The following PCDHA11 variants were observed in gnomAD, a reference collection of about 807,000 sequenced individuals.
PCDHA11 encodes the protein protocadherin alpha 11, also known as protocadherin alpha-11.
PCDHA11 carries 61 observed loss-of-function variants against 70.3 expected under a neutral mutation model. That is an observed-to-expected ratio of 0.87 (90% CI 0.71 to 1.07). The LOEUF is 1.07. PCDHA11 is among the 50% of genes least tolerant of loss of function. The pLI, the probability that PCDHA11 is intolerant of heterozygous loss-of-function variation, is 0.00. For synonymous variants in PCDHA11, 633 were observed against 555.1 expected (o/e 1.14, Z -1.97); for missense variants, 1,324 against 1,237.5 (o/e 1.07, Z -1.05).
At chr5:141,009,463 A>C in intron 3 of PCDHA11, 164 bp from the exon 4 acceptor site, 1 of 954,884 alleles carries the variant, frequency 1.0e-6, no homozygotes, top group Non-Finnish European at 1.2e-6. Context: ...AAACAAATAA[A>C]TAAATAAGTA....
chr5:141,006,568 T>C (rs2098278532), intron 3 of PCDHA11, among the ~76,000 whole-genome samples: 1 of 152,110 alleles, frequency 6.6e-6, no homozygotes, highest in Non-Finnish European at 1.5e-5. Flanking sequence ...CTCTGGCTAC[T>C]GTGTGGAGGG....
intron 1 of PCDHA11, among the ~76,000 whole-genome samples, chr5:140,931,598 A>G (rs2087630191): frequency 6.6e-6 from 1 of 152,200 alleles, no homozygotes; most frequent in African/African-American, 2.4e-5. Context: ...GTCTTTTTCC[A>G]TCATTGTTGA....
intron 1 of PCDHA11, among the ~76,000 whole-genome samples, chr5:140,902,520 T>C (rs1350068201): frequency 6.6e-6 from 1 of 152,116 alleles, no homozygotes; most frequent in Non-Finnish European, 1.5e-5. Context: ...TATATGGTTT[T>C]TATTATGTTG....
chr5:140,967,665 C>G (rs782126222), intron 1 of PCDHA11: 1 of 1,614,154 alleles, frequency 6.2e-7, no homozygotes. Context: ...AGCAGCTACA[C>G]GTCGGACCGG....
chr5:140,875,015 G>T (rs1479954206), intron 1 of PCDHA11, among the ~76,000 whole-genome samples: 3 of 152,170 alleles, frequency 2.0e-5, no homozygotes, highest in African/African-American at 7.2e-5. Flanking sequence ...TAAAGTGTAG[G>T]TTCTGGCCTA....
At chr5:140,927,200 AC>A in intron 1 of PCDHA11, 1 of 1,614,014 alleles carries the variant, frequency 6.2e-7, no homozygotes, top group Non-Finnish European at 8.5e-7. Context: ...GTGCTCGAGG[AC>A]CCGCTGGAGC....
chr5:140,979,090 C>A, intron 2 of PCDHA11, 83 bp downstream of exon 2: 1 of 1,557,284 alleles, frequency 6.4e-7, no homozygotes, highest in Non-Finnish European at 8.7e-7. Flanking sequence ...AGGCCAGAAG[C>A]AGCTGTCAAA....
At chr5:140,926,375 C>G (rs1265113344) in intron 1 of PCDHA11, 1 of 152,328 alleles carries the variant, frequency 6.6e-6, no homozygotes, top group African/African-American at 2.4e-5. Flanking sequence ...CAGGAAGAGC[C>G]CAGCTGGGCT....
intron 1 of PCDHA11, among the ~76,000 whole-genome samples, chr5:140,885,900 C>G (rs1387318205): frequency 6.6e-6 from 1 of 152,120 alleles, no homozygotes; most frequent in Non-Finnish European, 1.5e-5. Flanking sequence ...GAAAAGTTCT[C>G]TGTACCTTAT....
intron 1 of PCDHA11, chr5:140,927,791 G>C: frequency 6.2e-7 from 1 of 1,614,196 alleles, no homozygotes; most frequent in Admixed American, 1.7e-5. Context: ...GCTTCACTAG[G>C]TCCGCCTGAA....
At chr5:140,882,150 C>A in intron 1 of PCDHA11, 1 of 1,501,768 alleles carries the variant, frequency 6.7e-7, no homozygotes, top group Non-Finnish European at 8.9e-7. Context: ...TAGCAGAAAG[C>A]GGAATACCTC....
chr5:140,964,338 G>T (rs2153739261), intron 1 of PCDHA11, among the ~76,000 whole-genome samples: 1 of 152,320 alleles, frequency 6.6e-6, no homozygotes, highest in South Asian at 2.1e-4. Flanking sequence ...AACCTGGCAG[G>T]TGTCCTTGCT....
intron 1 of PCDHA11, among the ~76,000 whole-genome samples, chr5:140,920,866 A>G (rs1584205398): frequency 6.6e-6 from 1 of 151,760 alleles, no homozygotes; most frequent in African/African-American, 2.4e-5. Context: ...AAACAAACAA[A>G]CTGTGGCCCT....
At chr5:140,969,945 A>G (rs2096371634) in intron 1 of PCDHA11, among the ~76,000 whole-genome samples, 1 of 152,214 alleles carries the variant, frequency 6.6e-6, no homozygotes, top group South Asian at 2.1e-4. Flanking sequence ...TACTGAAGCT[A>G]AAGTTTGCTT....
At chr5:140,947,642 C>T (rs62384502) in intron 1 of PCDHA11, among the ~76,000 whole-genome samples, 2 of 151,520 alleles carry the variant, frequency 1.3e-5, no homozygotes, top group East Asian at 1.9e-4. Context: ...ATCGTATGAA[C>T]ATATATACCT....
At chr5:140,951,967 C>A (rs2094665815) in intron 1 of PCDHA11, among the ~76,000 whole-genome samples, 1 of 152,166 alleles carries the variant, frequency 6.6e-6, no homozygotes, top group South Asian at 2.1e-4. Context: ...GTAAATACTC[C>A]TGTTCCAAAA....
intron 1 of PCDHA11, among the ~76,000 whole-genome samples, chr5:140,910,875 C>A (rs1224657424): frequency 4.6e-5 from 7 of 152,184 alleles, no homozygotes; most frequent in Non-Finnish European, 7.3e-5. Flanking sequence ...TTATCCCACA[C>A]CCTTAATATC....
Position 140,883,565 on chromosome 5 carries a change from C to T in PCDHA11, c.2391+12071C>T, listed in dbSNP as rs139159217. On this transcript the variant is annotated intron_variant, in intron 1 of 3. Transcript: ENST00000398640. ...GGTGACCGCGCGGGACGGGGGCTCG[C>T]CTTCGCTGTGGGCCACGGCCAGCGT... is the stretch of plus-strand genomic sequence containing the variant. 6.5e-5 allele frequency: 105 copies of T among 1,614,180 alleles called. 1 individual carries two copies. In the African/African-American group the frequency reaches 1.3e-3, roughly 20 times the overall value.
chr5:140,959,107 C>A (rs1330357931), intron 1 of PCDHA11, among the ~76,000 whole-genome samples: 1 of 151,920 alleles, frequency 6.6e-6, no homozygotes, highest in South Asian at 2.1e-4. Context: ...CAGCAGGGGT[C>A]CGAAGGTGGG....
Sources: allele counts gnomAD v4.1 joint callset (sites outside exome capture counted in the v4.1 genomes callset), GRCh38; gene constraint gnomAD v4.1.1; transcripts MANE v1.5; gene names NCBI Gene and HGNC (gene_info 2026-07-23, HGNC 2026-07-21).